Variants in UHRF1 observed in about 807,000 individuals in gnomAD.
The protein encoded by UHRF1 is E3 ubiquitin-protein ligase UHRF1.
A neutral mutation model predicts 96.5 loss-of-function variants in UHRF1; 9 were observed. The observed-to-expected ratio is 0.09, with a 90% CI of 0.06 to 0.16. The LOEUF is 0.16. Ranked by LOEUF, UHRF1 falls within the 10% of genes least tolerant of loss-of-function variation. UHRF1 has a pLI of 1.00. For synonymous variants in UHRF1, 455 were observed against 469.9 expected, an observed-to-expected ratio of 0.97 and a Z score of 0.41; for missense variants, 626 against 1,131.1, an observed-to-expected ratio of 0.55 and a Z score of 6.40.
rs1568416957 is a variant in UHRF1 at position 4,930,975 on chromosome 19, G to A, written c.569+99G>A. 6 of 1,519,422 alleles carry A rather than the reference G, an allele frequency of 3.9e-6. No individual in the cohort carries two copies. The highest frequency in any genetic ancestry group is 5.4e-6 in the Non-Finnish European group (6 of 1,116,782). 94.1% of individuals were successfully genotyped at this position (1,519,422 alleles called of 1,614,324 possible). ...CCAGAGCTTGGCACTGTCTCGAGAT[G>A]GTGATCAGGATCTGGGGCCCCATCC... On this transcript the variant is annotated intron_variant, in intron 4 of 16. Transcript: ENST00000650932. This position sits in a 1 kb window ranked among gnomAD's most constrained non-coding sequence, Gnocchi z 4.4.
In UHRF1 at chr19:4,930,737, C is replaced by T. The variant is rs2146331253; in HGVS notation, c.430C>T (p.Arg144Trp). Residue 144 changes from arginine (R) to tryptophan (W), a missense_variant, in exon 4 of 17, where the codon CGG becomes TGG. Arg to Trp is a moderately radical substitution (Grantham distance 101, BLOSUM62 -3). Transcript: ENST00000650932. This position sits in a 1 kb window ranked among gnomAD's most constrained non-coding sequence, Gnocchi z 4.4. ...LYKVNEYVDA[R>W]DTNMGAWFEA... ...ACAGGTCAATGAGTACGTCGATGCT[C>T]GGGACACGAACATGGGGGCGTGGTT... The T allele has an allele frequency of 1.1e-5, 17 of 1,613,860 alleles. No homozygotes were observed. Among genetic ancestry groups the T allele is most frequent in the African/African-American group, 4.0e-5 (3 of 75,040 alleles).
At chr19:4,950,295 G>A (rs2033682379) in intron 11 of UHRF1, among the ~76,000 whole-genome samples, 1 of 150,632 alleles carries the variant, frequency 6.6e-6, no homozygotes, top group African/African-American at 2.5e-5. Flanking sequence ...CCAGGCTGGA[G>A]TGCAGTGGCA....
In UHRF1 at chr19:4,954,913, G is replaced by A; in HGVS notation, c.2130+91G>A. The A allele has an allele frequency of 6.0e-6, 9 of 1,497,008 alleles. No individual in the cohort carries two copies. The highest frequency in any genetic ancestry group is 8.2e-6 in the Non-Finnish European group (9 of 1,093,934). The allele number at this position is 1,497,008 out of a possible 1,614,324, so 92.7% of individuals were successfully genotyped here. A position where few individuals can be genotyped will look rare whatever the true frequency, so the allele number is the denominator to read the frequency against. On this transcript the variant is annotated intron_variant, in intron 15 of 16. Transcript: ENST00000650932. The surrounding 1 kb of genome is among the most constrained non-coding windows in gnomAD (Gnocchi z 5.9). ...TTTCCCATGTTCCCCATTTTCAAGT[G>A]TACAGCTCAGTCGCACTGAGTACAT...
chr19:4,930,769 G>T lies in UHRF1; in HGVS notation c.462G>T (p.Ala154=). Residue 154 remains alanine (A), a synonymous_variant, in exon 4 of 17, where the codon GCG becomes GCT. Coordinates refer to ENST00000650932, the MANE Select transcript of UHRF1 (RefSeq NM_001048201.3). This position sits in a 1 kb window ranked among gnomAD's most constrained non-coding sequence, Gnocchi z 4.4. ...RDTNMGAWFE[A]QVVRVTRKAP... ...CGAACATGGGGGCGTGGTTTGAGGCGCAGGTGGTCAGGGTGACGCGGAAGG... is the reference window on the plus strand; with the variant it reads ...CGAACATGGGGGCGTGGTTTGAGGCTCAGGTGGTCAGGGTGACGCGGAAGG... 5.0e-6 allele frequency: 8 copies of T among 1,613,968 alleles called. No individual in the cohort carries two copies. The highest frequency in any genetic ancestry group is 1.1e-5 in the South Asian group (1 of 91,084).
At position 4,955,176 on chromosome 19, in the gene UHRF1, G is replaced by A. The variant is rs139989786; in HGVS notation, c.2130+354G>A. On this transcript the variant is annotated intron_variant, in intron 15 of 16. Coordinates refer to ENST00000650932, the MANE Select transcript of UHRF1 (RefSeq NM_001048201.3). ...TGTTGCAAAGTGACCCCAAGCCTAGGAGTGCAAAGCGACTCACATCTCACA... is the reference window on the plus strand; with the variant it reads ...TGTTGCAAAGTGACCCCAAGCCTAGAAGTGCAAAGCGACTCACATCTCACA... Among the ~76,000 whole-genome samples, 709 of 152,214 alleles carry A rather than the reference G, an allele frequency of 4.7e-3. 4 individuals carry two copies. The highest frequency in any genetic ancestry group is 0.014 in the Middle Eastern group (4 of 294).
At chr19:4,918,191 C>T (rs1223596434) in intron 2 of UHRF1, among the ~76,000 whole-genome samples, 1 of 152,010 alleles carries the variant, frequency 6.6e-6, no homozygotes, top group Non-Finnish European at 1.5e-5. Context: ...GTGATCTTGG[C>T]TCACTGCAAC....
chr19:4,918,059 TA>T (rs1292253993), intron 2 of UHRF1, among the ~76,000 whole-genome samples: 1 of 152,174 alleles, frequency 6.6e-6, no homozygotes, highest in African/African-American at 2.4e-5. Flanking sequence ...CCCCCTGTAG[TA>T]ACCTGTCTGC....
chr19:4,904,269 C>G (rs933619717), intron 1 of UHRF1, among the ~76,000 whole-genome samples: 1 of 152,100 alleles, frequency 6.6e-6, no homozygotes, highest in Non-Finnish European at 1.5e-5. Flanking sequence ...AGCTCCGCCT[C>G]CCGTGTTCAT....
At chr19:4,927,985 G>T (rs916136667) in intron 2 of UHRF1, among the ~76,000 whole-genome samples, 1 of 152,222 alleles carries the variant, frequency 6.6e-6, no homozygotes, top group Admixed American at 6.5e-5. Context: ...CACTCAGTGT[G>T]TGGATTTTAA....
chr19:4,941,727 C>T lies in UHRF1; in HGVS notation c.887-18C>T, dbSNP rs2033408400. 1.9e-6 allele frequency: 3 copies of T among 1,549,338 alleles called. No homozygotes were observed. The highest frequency in any genetic ancestry group is 2.6e-6 in the Non-Finnish European group (3 of 1,146,288). ...TGGCCGGGCCCCGCCGGAGCTGACC[C>T]TGCCGCCCCGTGCCCAGGGAAGAGC... On this transcript the variant is annotated intron_variant, in intron 6 of 16. Transcript: ENST00000650932.
intron 2 of UHRF1, among the ~76,000 whole-genome samples, chr19:4,912,673 A>T (rs1205704236): frequency 6.6e-6 from 1 of 152,144 alleles, no homozygotes; most frequent in African/African-American, 2.4e-5. Flanking sequence ...TAAGTTGCAG[A>T]CACCAGTCCA....
At chr19:4,940,274 G>A (rs1006718096) in intron 5 of UHRF1, among the ~76,000 whole-genome samples, 8 of 150,810 alleles carry the variant, frequency 5.3e-5, no homozygotes, top group South Asian at 4.2e-4. Context: ...TGGGGATGTC[G>A]GATTATTGAT....
chr19:4,907,879 A>T (rs2032101063), upstream of UHRF1, among the ~76,000 whole-genome samples: 2 of 151,432 alleles, frequency 1.3e-5, 1 homozygote, highest in South Asian at 4.2e-4. Context: ...CGCCAGGCTA[A>T]TTTTGTGTTT....
chr19:4,909,530 T>C lies in UHRF1; in HGVS notation c.-136T>C. ...CAGCTGGCAGCGCGGCGGGCAGCGT[T>C]TGCCGAGCGGGCGCTCCGGGTCGCA... On this transcript the variant is annotated 5_prime_UTR_variant, in exon 1 of 17. Transcript: ENST00000650932. 1.5e-6 allele frequency: 1 copy of C among 659,150 alleles called. No homozygotes were observed. The highest frequency in any genetic ancestry group is 3.2e-5 in the East Asian group (1 of 31,350). The allele number at this position is 659,150 out of a possible 1,614,324, so 40.8% of individuals were successfully genotyped here. A position where few individuals can be genotyped will look rare whatever the true frequency, so the allele number is the denominator to read the frequency against.
chr19:4,930,596 G>T lies in UHRF1; in HGVS notation c.409-120G>T, dbSNP rs565013957. On this transcript the variant is annotated intron_variant, in intron 3 of 16. Transcript: ENST00000650932. This position sits in a 1 kb window ranked among gnomAD's most constrained non-coding sequence, Gnocchi z 4.4. ...TTCCCAGCCAGGGAGGAGAAACCTCGCTGTGGGCATTCGAGTTTGCGCCCT... is the reference window on the plus strand; with the variant it reads ...TTCCCAGCCAGGGAGGAGAAACCTCTCTGTGGGCATTCGAGTTTGCGCCCT... 5.5e-6 allele frequency: 7 copies of T among 1,264,926 alleles called. No homozygotes were observed. The highest frequency in any genetic ancestry group is 6.6e-6 in the Non-Finnish European group (6 of 912,402). The allele number at this position is 1,264,926 out of a possible 1,614,324, so 78.4% of individuals were successfully genotyped here.
At chr19:4,958,080 G>T (rs555413489) in intron 16 of UHRF1, among the ~76,000 whole-genome samples, 19 of 152,366 alleles carry the variant, frequency 1.2e-4, no homozygotes, top group East Asian at 5.8e-4. Context: ...GCTCAGGGAA[G>T]GTCAGGAGAT....
chr19:4,945,984 GGGGT>G lies in UHRF1; in HGVS notation c.1410+23_1410+26del. 1 of 1,227,554 alleles carries G rather than the reference GGGGT, an allele frequency of 8.1e-7. No individual in the cohort carries two copies. The allele number at this position is 1,227,554 out of a possible 1,614,324, so 76.0% of individuals were successfully genotyped here. A position where few individuals can be genotyped will look rare whatever the true frequency, so the allele number is the denominator to read the frequency against. On this transcript the variant is annotated intron_variant, in intron 10 of 16. Coordinates refer to ENST00000650932, the MANE Select transcript of UHRF1 (RefSeq NM_001048201.3). ...TGATGTGGTGAGTGTGTGTGTGGGA[GGGGT>G]GGGGGAGGGTTGCTCTAGTTTTTTG...
intron 5 of UHRF1, 75 bp downstream of exon 5, chr19:4,933,031 A>G: frequency 1.4e-6 from 2 of 1,463,550 alleles, no homozygotes; most frequent in Non-Finnish European, 9.2e-7. Context: ...CTGGCTTTGA[A>G]GCCGTCCAGC....
At chr19:4,922,121 A>G (rs1260401743) in intron 2 of UHRF1, among the ~76,000 whole-genome samples, 1 of 151,782 alleles carries the variant, frequency 6.6e-6, no homozygotes, top group Non-Finnish European at 1.5e-5. Flanking sequence ...TAATTTTTGT[A>G]TTTTTAGTAG....
Sources: gnomAD v4.1 joint callset for allele counts (sites outside exome capture counted in the v4.1 genomes callset) on GRCh38, gnomAD v4.1.1 for gene constraint, Gnocchi (gnomAD v3.1) non-coding constraint, MANE v1.5 for transcripts, NCBI Gene and HGNC (gene_info 2026-07-23, HGNC 2026-07-21) for gene names.